Variants in STAMBPL1 observed in about 807,000 individuals in gnomAD.
STAMBPL1 encodes STAM binding protein like 1.
A neutral mutation model predicts 52.9 loss-of-function variants in STAMBPL1; 44 were observed. The observed-to-expected ratio is 0.83, with a 90% CI of 0.65 to 1.07. The LOEUF (loss-of-function observed/expected upper bound fraction) is 1.07. STAMBPL1 is among the 50% of genes least tolerant of loss of function. The probability of loss-of-function intolerance (pLI) is 0.00; values close to 1 mark genes in which losing one functional copy is unlikely to be tolerated. For missense variants in STAMBPL1, 511 were observed against 520.8 expected, an observed-to-expected ratio of 0.98 and a Z score of 0.18; for synonymous variants, 164 against 177.3, an observed-to-expected ratio of 0.92 and a Z score of 0.60.
chr10:88,912,951 G>A (rs1845264138), intron 5 of STAMBPL1, 150 bp from the exon 6 acceptor site: 4 of 709,048 alleles, frequency 5.6e-6, no homozygotes, highest in East Asian at 5.0e-5. Flanking sequence ...CTGATGTTAT[G>A]TATTTCTCTC....
chr10:88,913,043 C>G, intron 5 of STAMBPL1, 58 bp from the exon 6 acceptor site: 1 of 1,398,398 alleles, frequency 7.2e-7, no homozygotes, highest in South Asian at 1.4e-5. Context: ...ATGTCTAATT[C>G]CAGTTCAATG....
At chr10:88,910,779 T>C in intron 4 of STAMBPL1, 137 bp from the exon 5 acceptor site, 1 of 542,722 alleles carries the variant, frequency 1.8e-6, no homozygotes, top group Non-Finnish European at 3.2e-6. Context: ...AAAAGAGATT[T>C]ATTTTTCTGC....
At position 88,902,943 on chromosome 10, in the gene STAMBPL1, C is replaced by T. The variant is rs116517693; in HGVS notation, c.30+1205C>T. Among the ~76,000 whole-genome samples, 652 of 152,286 alleles carry T rather than the reference C, an allele frequency of 4.3e-3. 6 individuals are homozygous for T. The highest frequency in any genetic ancestry group is 0.014 in the African/African-American group (599 of 41,546). On this transcript the variant is annotated intron_variant, in intron 2 of 10. Transcript: ENST00000371926. Reference sequence around the variant, plus strand: ...TTCAGAGTATATTTGGAAAGGTAGACAATTGCAGAAACATTTTCACTTTCT... The same window carrying T: ...TTCAGAGTATATTTGGAAAGGTAGATAATTGCAGAAACATTTTCACTTTCT...
intron 4 of STAMBPL1, among the ~76,000 whole-genome samples, chr10:88,910,416 T>C (rs1409494003): frequency 3.3e-5 from 5 of 152,204 alleles, no homozygotes; most frequent in Non-Finnish European, 7.4e-5. Flanking sequence ...TCTACAGGTG[T>C]TAATTCAGTA....
At chr10:88,914,351 A>G (rs1214474915) in intron 6 of STAMBPL1, among the ~76,000 whole-genome samples, 183 bp from the exon 7 acceptor site, 1 of 152,186 alleles carries the variant, frequency 6.6e-6, no homozygotes, top group African/African-American at 2.4e-5. Flanking sequence ...TATATACATA[A>G]TTTAATTTTA....
intron 1 of STAMBPL1, among the ~76,000 whole-genome samples, chr10:88,893,026 G>A (rs553228759): frequency 2.0e-5 from 3 of 152,258 alleles, no homozygotes; most frequent in South Asian, 2.1e-4. Context: ...AAAAAAGGAA[G>A]TATATTAAAA....
At chr10:88,921,666 G>T (rs1845515573) in intron 9 of STAMBPL1, among the ~76,000 whole-genome samples, 2 of 152,118 alleles carry the variant, frequency 1.3e-5, no homozygotes, top group Non-Finnish European at 2.9e-5. Flanking sequence ...GCCTTTTTAG[G>T]ACTTATTTCT....
Position 88,923,215 on chromosome 10 carries a change from T to A in STAMBPL1, c.1302T>A (p.Asp434Glu). 1 of 1,606,106 alleles carries A rather than the reference T, an allele frequency of 6.2e-7. No homozygotes were observed. The highest frequency in any genetic ancestry group is 8.5e-7 in the Non-Finnish European group (1 of 1,178,214). The stretch of plus-strand genomic sequence containing the variant: ...AAGACATAAAAATAATTGTGTTGGA[T>A]CTGAGGTGATATGTTCTGAATGTAA... Reference protein sequence around the residue: ...LVKDIKIIVLDLR With the variant: ...LVKDIKIIVLELR The change falls in exon 11 of 11, where the codon GAT (aspartate) becomes GAA (glutamate). Residue 434 changes from aspartate to glutamate, a missense_variant. Around this residue, in one of 3 missense-constraint regions of STAMBPL1, gnomAD observed 137 missense variants for 139.9 expected, o/e 0.98. Coordinates refer to ENST00000371926, the MANE Select transcript of STAMBPL1 (RefSeq NM_020799.4).
chr10:88,882,287 T>C (rs1844425513), intron 1 of STAMBPL1, among the ~76,000 whole-genome samples: 1 of 152,228 alleles, frequency 6.6e-6, no homozygotes, highest in Non-Finnish European at 1.5e-5. Context: ...GGAACCAGTT[T>C]CCTGAGGATG....
At chr10:88,897,612 A>G (rs931486092) in intron 1 of STAMBPL1, among the ~76,000 whole-genome samples, 7 of 152,166 alleles carry the variant, frequency 4.6e-5, no homozygotes, top group African/African-American at 1.7e-4. Flanking sequence ...GGCGTTTCTG[A>G]TGAATGTTTT....
rs763482202 is a variant in STAMBPL1, at chr10:88,913,348, T to C, written c.668T>C (p.Leu223Pro). The change falls in exon 6 of 11, where the codon CTG (leucine) becomes CCG (proline). Residue 223 changes from leucine (L) to proline (P), a missense_variant. Leu to Pro is a moderately conservative substitution (Grantham distance 98). Coordinates refer to ENST00000371926, the MANE Select transcript of STAMBPL1 (RefSeq NM_020799.4). ...TCCACACACCAGAACAATTCCTTGC[T>C]GAATGTATTTGCAGATCAACCTAAT... ...CFSTHQNNSL[L>P]NVFADQPNKS... 3.7e-6 allele frequency: 6 copies of C among 1,613,800 alleles called. No homozygotes were observed. Among genetic ancestry groups the C allele is most frequent in the African/African-American group, 1.3e-5 (1 of 74,918 alleles).
At chr10:88,891,604 C>T (rs1336500977) in intron 1 of STAMBPL1, among the ~76,000 whole-genome samples, 1 of 152,120 alleles carries the variant, frequency 6.6e-6, no homozygotes, top group East Asian at 1.9e-4. Context: ...AATAATTGAA[C>T]AAATCAATAA....
intron 8 of STAMBPL1, among the ~76,000 whole-genome samples, chr10:88,920,318 A>G (rs960014183): frequency 2.0e-5 from 3 of 152,240 alleles, no homozygotes; most frequent in African/African-American, 7.2e-5. Flanking sequence ...GCACTGTTCC[A>G]GGAATTTTAA....
At chr10:88,913,563 A>T in intron 6 of STAMBPL1, 105 bp downstream of exon 6, 1 of 928,868 alleles carries the variant, frequency 1.1e-6, no homozygotes, top group Non-Finnish European at 1.6e-6. Context: ...TAATTGTAGT[A>T]GGACCCCTGC....
intron 1 of STAMBPL1, among the ~76,000 whole-genome samples, chr10:88,890,464 C>T (rs1232353104): frequency 6.6e-6 from 1 of 152,142 alleles, no homozygotes; most frequent in Non-Finnish European, 1.5e-5. Context: ...GGAGCCTCCC[C>T]GCAAAGACGG....
At chr10:88,922,801 G>A (rs973395733) in intron 10 of STAMBPL1, among the ~76,000 whole-genome samples, 3 of 151,868 alleles carry the variant, frequency 2.0e-5, no homozygotes, top group Admixed American at 2.0e-4. Context: ...GGCCAAATTA[G>A]TTTTTTCATA....
At position 88,881,070 on chromosome 10, in the gene STAMBPL1, G is replaced by A. The variant is rs117455548; in HGVS notation, c.-54+432G>A. 9.1e-3 allele frequency among the ~76,000 whole-genome samples: 1,385 copies of A among 152,228 alleles called. 36 individuals carry two copies. In the East Asian group the frequency reaches 0.11, roughly 12 times the overall value. On this transcript the variant is annotated intron_variant, in intron 1 of 10. Transcript: ENST00000371926. ...GGCGCGGTGTGGAGGAGGGAGGGGC[G>A]AGGGTTAGAAAAACGGACCTTTACC...
chr10:88,893,802 G>A (rs1783606134), intron 1 of STAMBPL1: 3 of 152,156 alleles, frequency 2.0e-5, no homozygotes, highest in African/African-American at 7.2e-5. Flanking sequence ...AGGAGATAAT[G>A]AATCAGATAG....
At chr10:88,908,572 C>A in intron 3 of STAMBPL1, 130 bp from the exon 4 acceptor site, 1 of 736,854 alleles carries the variant, frequency 1.4e-6, no homozygotes, top group Non-Finnish European at 2.2e-6. Flanking sequence ...AGGCAGATGG[C>A]AAGACTGAAG....
Sources: gnomAD v4.1 joint callset for allele counts (sites outside exome capture counted in the v4.1 genomes callset) on GRCh38, gnomAD v4.1.1 for gene constraint, gnomAD v4.1.1 regional missense constraint, MANE v1.5 for transcripts, NCBI Gene and HGNC (gene_info 2026-07-23, HGNC 2026-07-21) for gene names.